Variants in BACE2 observed in about 807,000 individuals in gnomAD.
BACE2 encodes 56 kDa aspartic-like protease.
In BACE2, 17 loss-of-function variants were observed where a neutral mutation model predicts 46.2. The ratio of observed to expected loss-of-function variants is 0.37; its 90% confidence interval spans 0.25 to 0.55. The LOEUF is 0.55. Ranked by LOEUF, BACE2 falls within the 20% of genes least tolerant of loss-of-function variation. BACE2 has a pLI of 0.82. For synonymous variants in BACE2, 277 were observed against 295.9 expected (o/e 0.94, Z 0.66); for missense variants, 595 against 698.1 (o/e 0.85, Z 1.66).
At chr21:41,237,945 A>G (rs752463984) in intron 3 of BACE2, among the ~76,000 whole-genome samples, 7 of 152,262 alleles carry the variant, frequency 4.6e-5, no homozygotes, top group Non-Finnish European at 4.4e-5. Context: ...AAGACAGGCA[A>G]TAGCATTAAC....
At chr21:41,182,536 A>C (rs933790580) in intron 1 of BACE2, 7 of 166,960 alleles carry the variant, frequency 4.2e-5, no homozygotes, top group African/African-American at 1.7e-4. Context: ...GGAGGGGGGA[A>C]GGTTCATATA....
intron 8 of BACE2, among the ~76,000 whole-genome samples, chr21:41,264,744 G>A (rs1284941973): frequency 6.6e-6 from 1 of 152,008 alleles, no homozygotes; most frequent in Admixed American, 6.5e-5. Context: ...CCAACACTTG[G>A]GATCCCAATT....
intron 1 of BACE2, among the ~76,000 whole-genome samples, chr21:41,206,887 T>C (rs1023438816): frequency 6.6e-6 from 1 of 152,232 alleles, no homozygotes; most frequent in Non-Finnish European, 1.5e-5. Context: ...TTAAAAGTCT[T>C]GCCTGATGCT....
At chr21:41,189,527 A>C (rs775025164) in intron 1 of BACE2, among the ~76,000 whole-genome samples, 4 of 152,194 alleles carry the variant, frequency 2.6e-5, no homozygotes, top group Non-Finnish European at 5.9e-5. Context: ...TTTGCTTAAC[A>C]CTTGATTTCT....
At chr21:41,253,191 C>T (rs975414345) in intron 7 of BACE2, among the ~76,000 whole-genome samples, 6 of 152,100 alleles carry the variant, frequency 3.9e-5, no homozygotes, top group Non-Finnish European at 5.9e-5. Context: ...CCTGTAATCC[C>T]AGCACTTTGG....
chr21:41,241,467 C>G (rs1987283569), intron 3 of BACE2, among the ~76,000 whole-genome samples: 1 of 152,182 alleles, frequency 6.6e-6, no homozygotes, highest in Non-Finnish European at 1.5e-5. Flanking sequence ...TCCTTACTCT[C>G]AAATGCCTAA....
At chr21:41,179,320 T>A in intron 1 of BACE2, 1 of 1,258,174 alleles carries the variant, frequency 7.9e-7, no homozygotes, top group Non-Finnish European at 1.0e-6. Flanking sequence ...TGAGTGAGAG[T>A]GTCCAGGGTG....
chr21:41,246,772 G>A (rs1987481895), intron 6 of BACE2, among the ~76,000 whole-genome samples: 1 of 152,142 alleles, frequency 6.6e-6, no homozygotes, highest in African/African-American at 2.4e-5. Context: ...ACAGCTTTGG[G>A]GATGAAATAG....
intron 1 of BACE2, among the ~76,000 whole-genome samples, chr21:41,210,292 A>G (rs560549639): frequency 1.4e-4 from 22 of 152,220 alleles, no homozygotes; most frequent in African/African-American, 5.3e-4. Context: ...CTCAGCCATG[A>G]TGGGACAGGA....
At chr21:41,259,441 C>CT (rs5844072) in intron 8 of BACE2, among the ~76,000 whole-genome samples, 1,818 of 147,338 alleles carry the variant, frequency 0.012, 25 homozygotes, top group African/African-American at 0.039. Context: ...TGCTGCCTTT[C>CT]TTTTTTTTTT....
At position 41,275,600 on chromosome 21, in the gene BACE2, T is replaced by C; in HGVS notation, c.1533T>C (p.Ser511=). Residue 511 remains serine (S), a synonymous_variant, in exon 9 of 9, where the codon TCT becomes TCC. Coordinates refer to ENST00000330333, the MANE Select transcript of BACE2 (RefSeq NM_012105.5). The part of the protein sequence containing the change: ...RDPEVVNDES[S]LVRHRWK ...CTGAGGTCGTCAATGATGAGTCCTC[T>C]CTGGTCAGACATCGCTGGAAATGAA... is the stretch of plus-strand genomic sequence containing the variant. 1.2e-6 allele frequency: 2 copies of C among 1,613,940 alleles called. No individual in the cohort carries two copies. The highest frequency in any genetic ancestry group is 8.5e-7 in the Non-Finnish European group (1 of 1,179,990).
intron 8 of BACE2, among the ~76,000 whole-genome samples, chr21:41,274,468 C>A (rs1161637386): frequency 1.3e-5 from 2 of 152,028 alleles, no homozygotes; most frequent in Admixed American, 6.5e-5. Context: ...ATATTCATTT[C>A]TGTGATTAAA....
chr21:41,207,626 G>T (rs926325872), intron 1 of BACE2, among the ~76,000 whole-genome samples: 2 of 151,668 alleles, frequency 1.3e-5, no homozygotes, highest in South Asian at 4.2e-4. Context: ...CCCCAACCCC[G>T]CCCCACTGAT....
At chr21:41,174,075 C>T (rs1327221426) in intron 1 of BACE2, among the ~76,000 whole-genome samples, 17 of 150,108 alleles carry the variant, frequency 1.1e-4, no homozygotes, top group Non-Finnish European at 2.2e-4. Context: ...CTTGCCTGCC[C>T]ATTTTTCCTT....
At chr21:41,225,152 T>A (rs559940016) in intron 1 of BACE2, among the ~76,000 whole-genome samples, 2 of 150,774 alleles carry the variant, frequency 1.3e-5, no homozygotes, top group African/African-American at 4.9e-5. Context: ...GAGAATGACG[T>A]GAACCTGGGA....
At chr21:41,243,550 G>A (rs201436207) in intron 5 of BACE2, 40 bp downstream of exon 5, 2 of 1,555,666 alleles carry the variant, frequency 1.3e-6, no homozygotes, top group Non-Finnish European at 8.7e-7. Flanking sequence ...TTCTGTGTAT[G>A]TCTGGGTCCC....
At chr21:41,191,294 A>G (rs1985562733) in intron 1 of BACE2, among the ~76,000 whole-genome samples, 1 of 152,216 alleles carries the variant, frequency 6.6e-6, no homozygotes, top group Non-Finnish European at 1.5e-5. Flanking sequence ...TGGGGAGAAC[A>G]TGGTGAGACC....
chr21:41,242,037 A>C, intron 4 of BACE2, 90 bp downstream of exon 4: 1 of 1,544,426 alleles, frequency 6.5e-7, no homozygotes. Context: ...CAGAAATATT[A>C]GGCATGTAGG....
chr21:41,231,225 A>G (rs1352256356), intron 2 of BACE2, among the ~76,000 whole-genome samples: 2 of 152,206 alleles, frequency 1.3e-5, no homozygotes, highest in African/African-American at 4.8e-5. Flanking sequence ...GCCTGTGAGC[A>G]TTTAACGTTA....
Sources: gnomAD v4.1 joint callset for allele counts (sites outside exome capture counted in the v4.1 genomes callset) on GRCh38, gnomAD v4.1.1 for gene constraint, MANE v1.5 for transcripts, NCBI Gene and HGNC (gene_info 2026-07-23, HGNC 2026-07-21) for gene names.